The following CTIF variants were observed in gnomAD, a reference collection of about 807,000 sequenced individuals.
CTIF encodes the protein CBP80/20-dependent translation initiation factor.
Under a neutral mutation model 66.0 loss-of-function variants are expected in CTIF, and 21 were observed. The observed-to-expected ratio is 0.32, with a 90% CI of 0.23 to 0.46. The LOEUF is 0.46. Among genes scored for constraint, CTIF ranks in the 20% least tolerant of loss-of-function variants. CTIF has a pLI of 1.00. For missense variants in CTIF, 739 were observed against 812.7 expected, an observed-to-expected ratio of 0.91 and a Z score of 1.10; for synonymous variants, 345 against 326.4, an observed-to-expected ratio of 1.06 and a Z score of -0.62.
intron 6 of CTIF, among the ~76,000 whole-genome samples, chr18:48,688,984 C>T (rs1490064988): frequency 6.6e-6 from 1 of 152,218 alleles, no homozygotes; most frequent in Non-Finnish European, 1.5e-5. Context: ...TGCTAATGGC[C>T]GAGGTTCCCG....
At chr18:48,682,653 T>A (rs1236745207) in intron 6 of CTIF, among the ~76,000 whole-genome samples, 1 of 152,202 alleles carries the variant, frequency 6.6e-6, no homozygotes, top group Non-Finnish European at 1.5e-5. Flanking sequence ...TTACCATTAT[T>A]TTGCTCAAAT....
chr18:48,623,290 A>G (rs1433272770), intron 2 of CTIF, among the ~76,000 whole-genome samples: 5 of 152,200 alleles, frequency 3.3e-5, no homozygotes, highest in African/African-American at 4.8e-5. Flanking sequence ...ACCTGGCAGG[A>G]TGCTGGGGCC....
At chr18:48,664,392 A>G (rs1228448157) in intron 4 of CTIF, 55 bp from the exon 5 acceptor site, 2 of 1,474,174 alleles carry the variant, frequency 1.4e-6, no homozygotes, top group African/African-American at 1.4e-5. Context: ...TGGTTCCGTC[A>G]GTAACTGGGC....
intron 9 of CTIF, 134 bp from the exon 10 acceptor site, chr18:48,817,087 A>T: frequency 1.2e-6 from 1 of 837,536 alleles, no homozygotes. Flanking sequence ...ACGCACCCCC[A>T]TCCTCATTTA....
chr18:48,601,817 G>T (rs552799237), intron 1 of CTIF, among the ~76,000 whole-genome samples: 1 of 152,320 alleles, frequency 6.6e-6, no homozygotes, highest in Non-Finnish European at 1.5e-5. Flanking sequence ...TTTCCTGGAG[G>T]CAGCCTGAGG....
intron 6 of CTIF, among the ~76,000 whole-genome samples, chr18:48,684,777 A>G (rs1161080863): frequency 2.0e-5 from 3 of 152,106 alleles, no homozygotes; most frequent in Non-Finnish European, 4.4e-5. Context: ...CATTCTCCCT[A>G]TGTAATTTTA....
intron 1 of CTIF, among the ~76,000 whole-genome samples, chr18:48,613,625 T>G (rs954639003): frequency 1.3e-5 from 2 of 152,216 alleles, no homozygotes; most frequent in African/African-American, 4.8e-5. Flanking sequence ...TGTGATTGGC[T>G]GCAGCAGGAG....
intron 1 of CTIF, among the ~76,000 whole-genome samples, chr18:48,540,516 G>A (rs1199560671): frequency 6.6e-6 from 1 of 151,914 alleles, no homozygotes; most frequent in Non-Finnish European, 1.5e-5. Context: ...AAAGACAATC[G>A]GGAGGGGGGT....
At chr18:48,629,673 T>C (rs2090667349) in intron 2 of CTIF, among the ~76,000 whole-genome samples, 1 of 152,016 alleles carries the variant, frequency 6.6e-6, no homozygotes, top group Admixed American at 6.6e-5. Context: ...CTTTGTCTAA[T>C]CCAAGATGAC....
intron 7 of CTIF, among the ~76,000 whole-genome samples, chr18:48,720,375 C>A (rs541354813): frequency 6.6e-6 from 1 of 152,146 alleles, no homozygotes; most frequent in Non-Finnish European, 1.5e-5. Flanking sequence ...GTTGCTGAGG[C>A]CCTCGCAGAC....
chr18:48,674,133 G>T (rs1193041444), intron 6 of CTIF, among the ~76,000 whole-genome samples: 4 of 152,236 alleles, frequency 2.6e-5, no homozygotes, highest in Non-Finnish European at 5.9e-5. Flanking sequence ...CAAGTGCTCT[G>T]CCCTAGCCTT....
chr18:48,849,041 G>A (rs571736219), intron 10 of CTIF, among the ~76,000 whole-genome samples: 4 of 152,284 alleles, frequency 2.6e-5, no homozygotes, highest in Admixed American at 2.0e-4. Context: ...AGACTCTGAT[G>A]AGTGGGCTGC....
chr18:48,674,556 G>C (rs2074962867), intron 6 of CTIF, among the ~76,000 whole-genome samples: 1 of 152,244 alleles, frequency 6.6e-6, no homozygotes, highest in African/African-American at 2.4e-5. Flanking sequence ...GTCTGGCCAA[G>C]CTCCTCTCCA....
At chr18:48,593,677 C>T (rs1038360948) in intron 1 of CTIF, among the ~76,000 whole-genome samples, 43 of 151,964 alleles carry the variant, frequency 2.8e-4, no homozygotes, top group African/African-American at 1.0e-3. Context: ...CCACCACACC[C>T]GGCCAATTCG....
intron 6 of CTIF, among the ~76,000 whole-genome samples, chr18:48,708,747 A>T (rs1345633132): frequency 6.6e-6 from 1 of 152,170 alleles, no homozygotes; most frequent in Non-Finnish European, 1.5e-5. Flanking sequence ...AACAGCATAA[A>T]ATAGAGCTTC....
intron 3 of CTIF, among the ~76,000 whole-genome samples, chr18:48,638,001 C>A (rs1393306099): frequency 2.0e-5 from 3 of 152,064 alleles, no homozygotes; most frequent in Non-Finnish European, 4.4e-5. Flanking sequence ...CTTGTCTGCC[C>A]TCCTCCCCAT....
intron 2 of CTIF, among the ~76,000 whole-genome samples, chr18:48,626,001 T>TTTTC (rs1491537219): frequency 6.7e-4 from 49 of 73,522 alleles, no homozygotes; most frequent in African/African-American, 2.8e-3. Flanking sequence ...TTTTTCTTTC[T>TTTTC]TTTTTTTTTT....
At chr18:48,612,406 T>C (rs2090323619) in intron 1 of CTIF, among the ~76,000 whole-genome samples, 1 of 152,188 alleles carries the variant, frequency 6.6e-6, no homozygotes, top group African/African-American at 2.4e-5. Context: ...CTAGCCCCAA[T>C]TGTGCATTCT....
chr18:48,705,341 C>G (rs569121878), intron 6 of CTIF, among the ~76,000 whole-genome samples: 1 of 152,338 alleles, frequency 6.6e-6, no homozygotes, highest in Non-Finnish European at 1.5e-5. Flanking sequence ...CCTCCGTCTT[C>G]ACATGGCCTT....
Sources: allele counts gnomAD v4.1 joint callset (sites outside exome capture counted in the v4.1 genomes callset), GRCh38; gene constraint gnomAD v4.1.1; transcripts MANE v1.5; gene names NCBI Gene and HGNC (gene_info 2026-07-23, HGNC 2026-07-21).